Variants in CYP27C1 observed in about 807,000 individuals in gnomAD.
The protein encoded by CYP27C1 is cytochrome P450 27C1.
Under a neutral mutation model 40.6 loss-of-function variants are expected in CYP27C1, and 29 were observed. The observed-to-expected ratio is 0.71, with a 90% CI of 0.53 to 0.97. The LOEUF is 0.97. Among genes scored for constraint, CYP27C1 ranks in the 50% least tolerant of loss-of-function variants. CYP27C1 has a pLI of 0.00. For missense variants in CYP27C1, 390 were observed against 485.8 expected, an observed-to-expected ratio of 0.80 and a Z score of 1.85; for synonymous variants, 198 against 186.8, an observed-to-expected ratio of 1.06 and a Z score of -0.49.
Position 127,218,991 on chromosome 2 carries a change from G to T in CYP27C1, c.282+998C>A, listed in dbSNP as rs1683495481. On this transcript the variant is annotated intron_variant, in intron 1 of 8. Coordinates refer to ENST00000664447, the MANE Select transcript of CYP27C1 (RefSeq NM_001367502.1). This position sits in a 1 kb window ranked among gnomAD's most constrained non-coding sequence, Gnocchi z 6.0. Reference sequence around the variant, plus strand: ...ATTCGCCGGCCCCAACGCCCTAGCGGGTGGCTGGGACCCCTGGGTTCCTCC... The same window carrying T: ...ATTCGCCGGCCCCAACGCCCTAGCGTGTGGCTGGGACCCCTGGGTTCCTCC... Among the ~76,000 whole-genome samples the T allele has an allele frequency of 6.6e-6, 1 of 152,102 alleles. No homozygotes were observed. Among genetic ancestry groups the T allele is most frequent in the Non-Finnish European group, 1.5e-5 (1 of 67,990 alleles).
chr2:127,216,900 T>C (rs951393981), intron 1 of CYP27C1, among the ~76,000 whole-genome samples: 1 of 152,174 alleles, frequency 6.6e-6, no homozygotes, highest in Non-Finnish European at 1.5e-5. Context: ...AGCACTGTCA[T>C]TTCTCTACTC....
rs1683511836 is a variant in CYP27C1, at chr2:127,219,754, C to T, written c.282+235G>A. 6.6e-6 allele frequency among the ~76,000 whole-genome samples: 1 copy of T among 152,030 alleles called. No individual in the cohort carries two copies. The highest frequency in any genetic ancestry group is 2.4e-5 in the African/African-American group (1 of 41,504). On this transcript the variant is annotated intron_variant, in intron 1 of 8. Coordinates refer to ENST00000664447, the MANE Select transcript of CYP27C1 (RefSeq NM_001367502.1). This position sits in a 1 kb window ranked among gnomAD's most constrained non-coding sequence, Gnocchi z 8.7. The stretch of plus-strand genomic sequence containing the variant: ...CGCTCCCGGTTCCTGCCTCCTCCAC[C>T]CCGGATCGCCTTTCCGGCGTCCTCT...
rs1682581801 is a variant in CYP27C1 at position 127,184,788 on chromosome 2, T to TG, written c.*2482_*2483insC. 2.6e-5 allele frequency: 4 copies of TG among 152,280 alleles called. No individual in the cohort carries two copies. Among genetic ancestry groups the TG allele is most frequent in the Admixed American group, 2.6e-4 (4 of 15,288 alleles). The allele number at this position is 152,280 out of a possible 1,614,324, so 9.4% of individuals were successfully genotyped here. A position where few individuals can be genotyped will look rare whatever the true frequency, so the allele number is the denominator to read the frequency against. Reference sequence around the variant, plus strand: ...CATTGGTCCTATAGACCTCACTCTATTCTGGATTTTGCTGACTGCATCCCC... The same window carrying TG: ...CATTGGTCCTATAGACCTCACTCTATGTCTGGATTTTGCTGACTGCATCCCC... On this transcript the variant is annotated 3_prime_UTR_variant, in exon 9 of 9. Coordinates refer to ENST00000664447, the MANE Select transcript of CYP27C1 (RefSeq NM_001367502.1).
At chr2:127,190,342 C>CTTTTTTTTTTT (rs1241035422) in intron 8 of CYP27C1, among the ~76,000 whole-genome samples, 47 of 96,634 alleles carry the variant, frequency 4.9e-4, no homozygotes, top group Non-Finnish European at 5.9e-4. Flanking sequence ...TTTTTTTTTT[C>CTTTTTTTTTTT]TTTTTTTTTT....
At chr2:127,203,250 A>G (rs1683083757) in intron 3 of CYP27C1, 122 bp downstream of exon 3, 3 of 1,068,980 alleles carry the variant, frequency 2.8e-6, no homozygotes, top group African/African-American at 1.6e-5. Flanking sequence ...TGGAGGTGAC[A>G]TGCATGTATG....
intron 6 of CYP27C1, among the ~76,000 whole-genome samples, 164 bp from the exon 7 acceptor site, chr2:127,194,031 T>C (rs1356673142): frequency 6.6e-6 from 1 of 152,256 alleles, no homozygotes; most frequent in African/African-American, 2.4e-5. Context: ...TGCTGCTTCT[T>C]TGTTGGCTTG....
chr2:127,185,870 T>G lies in CYP27C1; in HGVS notation c.*1401A>C, dbSNP rs1449147512. The G allele has an allele frequency of 1.3e-5, 2 of 152,222 alleles. No homozygotes were observed. The highest frequency in any genetic ancestry group is 2.9e-5 in the Non-Finnish European group (2 of 68,054). The allele number at this position is 152,222 out of a possible 1,614,324, so 9.4% of individuals were successfully genotyped here. Reference sequence around the variant, plus strand: ...AGCATCAGGAAATCACGGTGTTTCCTCTTAGCAACCGGTGAGCAGCAGGAA... The same window carrying G: ...AGCATCAGGAAATCACGGTGTTTCCGCTTAGCAACCGGTGAGCAGCAGGAA... On this transcript the variant is annotated 3_prime_UTR_variant, in exon 9 of 9. Coordinates refer to ENST00000664447, the MANE Select transcript of CYP27C1 (RefSeq NM_001367502.1). The surrounding 1 kb of genome is among the most constrained non-coding windows in gnomAD (Gnocchi z 4.9).
At position 127,199,469 on chromosome 2, in the gene CYP27C1, C is replaced by T; in HGVS notation, c.954G>A (p.Gly318=). The part of the protein sequence containing the change: ...YQMDRGRRVS[G]GLLTYLFLSQ... Reference sequence around the variant, plus strand: ...TAAGGAAGAGGTATGTGAGAAGTCCCCCGCTCACCCTCCGGCCTCGGTCCA... The same window carrying T: ...TAAGGAAGAGGTATGTGAGAAGTCCTCCGCTCACCCTCCGGCCTCGGTCCA... The change falls in exon 5 of 9, where the codon GGG becomes GGA. Residue 318 remains glycine (G), a synonymous_variant. Transcript: ENST00000664447. The T allele has an allele frequency of 1.2e-6, 2 of 1,614,198 alleles. No homozygotes were observed. The highest frequency in any genetic ancestry group is 8.5e-7 in the Non-Finnish European group (1 of 1,180,042).
Position 127,193,771 on chromosome 2 carries a change from C to T in CYP27C1, c.1293+18G>A. 6.2e-7 allele frequency: 1 copy of T among 1,614,026 alleles called. No homozygotes were observed. Among genetic ancestry groups the T allele is most frequent in the Admixed American group, 1.7e-5 (1 of 60,028 alleles). ...CCCGACCCGCAAGGCCTGGCCACCC[C>T]CATGGCCCCAAACTCACGCCTTTCG... On this transcript the variant is annotated intron_variant, in intron 7 of 8. Transcript: ENST00000664447.
At position 127,219,526 on chromosome 2, in the gene CYP27C1, T is replaced by C. The variant is rs530968082; in HGVS notation, c.282+463A>G. On this transcript the variant is annotated intron_variant, in intron 1 of 8. Coordinates refer to ENST00000664447, the MANE Select transcript of CYP27C1 (RefSeq NM_001367502.1). This position sits in a 1 kb window ranked among gnomAD's most constrained non-coding sequence, Gnocchi z 8.7. ...CTACCACTCTCCGAAACTCCATCCC[T>C]GACTCCCCTCCCCGCTACCTCCTCC... Among the ~76,000 whole-genome samples the C allele has an allele frequency of 2.6e-5, 4 of 151,596 alleles. No homozygotes were observed. Among genetic ancestry groups the C allele is most frequent in the African/African-American group, 9.7e-5 (4 of 41,320 alleles).
rs528016188 is a variant in CYP27C1 at position 127,199,494 on chromosome 2, A to C, written c.929T>G (p.Met310Arg). The change falls in exon 5 of 9, where the codon ATG (methionine) becomes AGG (arginine). Residue 310 changes from methionine (M) to arginine (R), a missense_variant. Physicochemically the swap from Met to Arg is moderately conservative, Grantham distance 91 (BLOSUM62 -1). Coordinates refer to ENST00000664447, the MANE Select transcript of CYP27C1 (RefSeq NM_001367502.1). ...DNKLRDIQYQ[M>R]DRGRRVSGGL... ...CCCGCTCACCCTCCGGCCTCGGTCC[A>C]TTTGGTACTGTATGTCCCTCAACTT... The C allele has an allele frequency of 1.9e-6, 3 of 1,614,208 alleles. No individual in the cohort carries two copies. In the South Asian group the frequency reaches 3.3e-5, roughly 18 times the overall value.
intron 1 of CYP27C1, among the ~76,000 whole-genome samples, 200 bp from the exon 2 acceptor site, chr2:127,206,290 C>CGTTTGTTT (rs72517050): frequency 2.7e-5 from 4 of 150,034 alleles, no homozygotes; most frequent in African/African-American, 9.8e-5. Flanking sequence ...TTGTTGTTTC[C>CGTTTGTTT]GTTTGTTTGT....
intron 8 of CYP27C1, among the ~76,000 whole-genome samples, chr2:127,188,388 C>T (rs1682686407): frequency 6.6e-6 from 1 of 152,180 alleles, no homozygotes; most frequent in African/African-American, 2.4e-5. Flanking sequence ...TACAGGCATG[C>T]ATCACATCTG....
At position 127,190,342 on chromosome 2, in the gene CYP27C1, C is replaced by CTTTTTTTTTTTTTTTT. The variant is rs1241035422; in HGVS notation, c.1497+2736_1497+2751dup. On this transcript the variant is annotated intron_variant, in intron 8 of 8. Coordinates refer to ENST00000664447, the MANE Select transcript of CYP27C1 (RefSeq NM_001367502.1). ...TATTTGTGGCTTCTCTTTTTTTTTT[C>CTTTTTTTTTTTTTTTT]TTTTTTTTTTTTTTTTTTGAGACAG... 1.2e-3 allele frequency among the ~76,000 whole-genome samples: 113 copies of CTTTTTTTTTTTTTTTT among 96,626 alleles called. 1 individual carries two copies. Among genetic ancestry groups the CTTTTTTTTTTTTTTTT allele is most frequent in the East Asian group, 2.1e-3 (7 of 3,272 alleles). The allele number at this position is 96,626 out of a possible 152,430, so 63.4% of individuals were successfully genotyped here.
intron 5 of CYP27C1, among the ~76,000 whole-genome samples, chr2:127,197,782 C>T (rs77781578): frequency 1.3e-5 from 2 of 152,122 alleles, no homozygotes; most frequent in Non-Finnish European, 2.9e-5. Flanking sequence ...TCACCTGTAC[C>T]TACACGGCGA....
In CYP27C1 at chr2:127,192,628, G is replaced by C. The variant is rs920807674; in HGVS notation, c.1497+466C>G. On this transcript the variant is annotated intron_variant, in intron 8 of 8. Transcript: ENST00000664447. ...ACCACTGTGCCTTTCCCGGGGGGGG[G>C]GGCTGCTGCTGACGGTGCCTGAGAG... Among the ~76,000 whole-genome samples the C allele has an allele frequency of 2.8e-5, 4 of 144,160 alleles. No individual in the cohort carries two copies. The South Asian group carries it at 8.8e-4, about 32-fold the overall frequency. 94.6% of individuals were successfully genotyped at this position (144,160 alleles called of 152,430 possible).
Position 127,219,326 on chromosome 2 carries a change from G to C in CYP27C1, c.282+663C>G, listed in dbSNP as rs1383604736. ...CCCCGGCGGCGTCCACCAGGCGCCC[G>C]CTGCCCCTCCCCAAGTCTCCTCCTC... On this transcript the variant is annotated intron_variant, in intron 1 of 8. Coordinates refer to ENST00000664447, the MANE Select transcript of CYP27C1 (RefSeq NM_001367502.1). The surrounding 1 kb of genome is among the most constrained non-coding windows in gnomAD (Gnocchi z 8.7). 1.3e-5 allele frequency among the ~76,000 whole-genome samples: 2 copies of C among 151,878 alleles called. No homozygotes were observed. Among genetic ancestry groups the C allele is most frequent in the Non-Finnish European group, 2.9e-5 (2 of 67,952 alleles).
intron 3 of CYP27C1, among the ~76,000 whole-genome samples, chr2:127,203,050 C>T (rs1193938182): frequency 3.3e-5 from 5 of 152,036 alleles, no homozygotes; most frequent in Admixed American, 3.3e-4. Context: ...TGCCTGTAAT[C>T]CCAGCTACTC....
intron 6 of CYP27C1, among the ~76,000 whole-genome samples, chr2:127,194,720 C>T (rs1423800852): frequency 2.0e-5 from 3 of 152,266 alleles, no homozygotes; most frequent in Non-Finnish European, 4.4e-5. Context: ...GATCTTGTTT[C>T]GTGTTATCTT....
Sources: allele counts gnomAD v4.1 joint callset (sites outside exome capture counted in the v4.1 genomes callset), GRCh38; gene constraint gnomAD v4.1.1; non-coding constraint Gnocchi (gnomAD v3.1); transcripts MANE v1.5; gene names NCBI Gene and HGNC (gene_info 2026-07-23, HGNC 2026-07-21).